BACH2: variants seen among roughly 807,000 people sequenced by gnomAD.
BACH2 encodes transcription regulator protein BACH2.
BACH2 carries 5 observed loss-of-function variants against 61.8 expected under a neutral mutation model. The ratio of observed to expected loss-of-function variants is 0.08; its 90% CI spans 0.04 to 0.17. The LOEUF (loss-of-function observed/expected upper bound fraction) is 0.17, where lower values mean the gene tolerates loss of function less well. Among genes scored for constraint, BACH2 ranks in the 10% least tolerant of loss-of-function variants. The pLI, the probability that BACH2 is intolerant of heterozygous loss-of-function variation, is 1.00. For synonymous variants in BACH2, 446 were observed against 440.1 expected (o/e 1.01, Z -0.17); for missense variants, 824 against 1,091.1 (o/e 0.76, Z 3.45).
chr6:90,014,304 T>C (rs939502829), intron 5 of BACH2, among the ~76,000 whole-genome samples: 1 of 149,386 alleles, frequency 6.7e-6, no homozygotes, highest in African/African-American at 2.5e-5. Context: ...TTTTGTAGAA[T>C]TGGTTTTATT....
At chr6:90,193,400 GA>G (rs994742283) in intron 4 of BACH2, among the ~76,000 whole-genome samples, 1 of 152,146 alleles carries the variant, frequency 6.6e-6, no homozygotes, top group African/African-American at 2.4e-5. Context: ...AGAGACTCGG[GA>G]AAAGGTGACC....
intron 4 of BACH2, among the ~76,000 whole-genome samples, chr6:90,186,449 C>G (rs1283669388): frequency 2.0e-5 from 3 of 151,318 alleles, no homozygotes; most frequent in Admixed American, 6.6e-5. Flanking sequence ...TATCAATAAA[C>G]AGTAGCTTTT....
chr6:90,215,818 G>C (rs969136461), intron 3 of BACH2, among the ~76,000 whole-genome samples: 1 of 152,060 alleles, frequency 6.6e-6, no homozygotes. Context: ...AAGTGCTTAC[G>C]GGTAGCCCAG....
At chr6:89,980,448 G>A (rs947251523) in intron 6 of BACH2, among the ~76,000 whole-genome samples, 1 of 152,206 alleles carries the variant, frequency 6.6e-6, no homozygotes, top group Non-Finnish European at 1.5e-5. Context: ...ATAAGTAAGT[G>A]CCCTAGGTTA....
intron 5 of BACH2, among the ~76,000 whole-genome samples, chr6:90,024,258 G>C (rs1397537627): frequency 6.6e-6 from 1 of 152,036 alleles, no homozygotes; most frequent in African/African-American, 2.4e-5. Context: ...CCTAGGGTGC[G>C]CTTTGGGCTT....
chr6:90,236,789 G>C (rs778754095), intron 3 of BACH2, among the ~76,000 whole-genome samples: 2 of 152,138 alleles, frequency 1.3e-5, no homozygotes, highest in African/African-American at 2.4e-5. Flanking sequence ...ATAGAAAACT[G>C]TGCCTGTCAC....
chr6:90,053,631 C>T (rs1488757004), intron 5 of BACH2, among the ~76,000 whole-genome samples: 1 of 152,050 alleles, frequency 6.6e-6, no homozygotes, highest in Admixed American at 6.6e-5. Context: ...TGGTAAACTC[C>T]CTTAGGTTTT....
chr6:90,114,902 C>T (rs10944477), intron 4 of BACH2, among the ~76,000 whole-genome samples: 14,255 of 151,968 alleles, frequency 0.094, 1,087 homozygotes, highest in African/African-American at 0.2. Flanking sequence ...ATCAGAAAGG[C>T]AATCCCATTC....
At chr6:90,134,158 A>G (rs1784196120) in intron 4 of BACH2, among the ~76,000 whole-genome samples, 1 of 152,180 alleles carries the variant, frequency 6.6e-6, no homozygotes, top group African/African-American at 2.4e-5. Context: ...TCCCACCAAC[A>G]GTGTAAAAGT....
intron 4 of BACH2, among the ~76,000 whole-genome samples, chr6:90,161,382 T>A (rs1785187270): frequency 6.6e-6 from 1 of 152,204 alleles, no homozygotes; most frequent in South Asian, 2.1e-4. Flanking sequence ...CACAGCACTT[T>A]ACAAACATTA....
At chr6:90,072,228 G>C (rs1385253120) in intron 5 of BACH2, among the ~76,000 whole-genome samples, 1 of 152,160 alleles carries the variant, frequency 6.6e-6, no homozygotes. Context: ...CAAAGCACTG[G>C]CAATGTTACT....
intron 5 of BACH2, among the ~76,000 whole-genome samples, chr6:90,019,572 C>A (rs57759359): frequency 0.1 from 15,270 of 151,838 alleles, 820 homozygotes; most frequent in South Asian, 0.14. Flanking sequence ...AAGAAATATA[C>A]CTGATTGATC....
At chr6:90,268,819 T>C (rs564734830) in intron 2 of BACH2, among the ~76,000 whole-genome samples, 2 of 152,266 alleles carry the variant, frequency 1.3e-5, no homozygotes, top group Admixed American at 6.5e-5. Flanking sequence ...GATTAGATTC[T>C]ATTGAGAATA....
At chr6:90,190,800 A>G (rs189188208) in intron 4 of BACH2, among the ~76,000 whole-genome samples, 6 of 152,322 alleles carry the variant, frequency 3.9e-5, no homozygotes, top group East Asian at 1.9e-4. Context: ...CCTGAAGCCA[A>G]CCTAGGCTAA....
At chr6:90,169,424 C>T (rs888693591) in intron 4 of BACH2, among the ~76,000 whole-genome samples, 1 of 152,150 alleles carries the variant, frequency 6.6e-6, no homozygotes, top group African/African-American at 2.4e-5. Flanking sequence ...CCTATTCTGA[C>T]CCCCTCCCTG....
At chr6:90,273,762 T>C (rs1223272451) in intron 1 of BACH2, among the ~76,000 whole-genome samples, 1 of 152,210 alleles carries the variant, frequency 6.6e-6, no homozygotes, top group African/African-American at 2.4e-5. Flanking sequence ...AGTTGTTTTT[T>C]AAATTACTGA....
At chr6:90,056,457 C>G (rs2127796653) in intron 5 of BACH2, among the ~76,000 whole-genome samples, 1 of 152,218 alleles carries the variant, frequency 6.6e-6, no homozygotes, top group African/African-American at 2.4e-5. Context: ...TACAGCAGCA[C>G]CCAGATTCAT....
chr6:90,068,687 T>C (rs1781080581), intron 5 of BACH2, among the ~76,000 whole-genome samples: 1 of 151,734 alleles, frequency 6.6e-6, no homozygotes, highest in Admixed American at 6.6e-5. Context: ...TTTTCTGACC[T>C]AAAAATTAGA....
rs532226785 is a variant in BACH2, at chr6:90,196,266, T to C, written c.-162+10303A>G. On this transcript the variant is annotated intron_variant, in intron 4 of 8. Coordinates refer to ENST00000257749, the MANE Select transcript of BACH2 (RefSeq NM_021813.4). The stretch of plus-strand genomic sequence containing the variant: ...GCTAATAGCCAAGAACACAATGCCA[T>C]AGGTTTTGTTTCAACAGATTTCTTA... Among the ~76,000 whole-genome samples the C allele has an allele frequency of 6.6e-5, 10 of 152,270 alleles. No homozygotes were observed. In the South Asian group the frequency reaches 2.1e-3, roughly 32 times the overall value.
Sources: gnomAD v4.1 joint callset for allele counts (sites outside exome capture counted in the v4.1 genomes callset) on GRCh38, gnomAD v4.1.1 for gene constraint, MANE v1.5 for transcripts, NCBI Gene and HGNC (gene_info 2026-07-23, HGNC 2026-07-21) for gene names.